The following DGKD variants were observed in gnomAD, a reference collection of about 807,000 sequenced individuals.
The protein encoded by DGKD is diacylglycerol kinase delta, also known as DAG kinase delta.
DGKD carries 68 observed loss-of-function variants against 154.4 expected under a neutral mutation model. That is an observed-to-expected ratio of 0.44 (90% CI 0.36 to 0.54). DGKD has a LOEUF of 0.54. Among genes scored for constraint, DGKD ranks in the 20% least tolerant of loss-of-function variants. The probability of loss-of-function intolerance (pLI) is 0.00; values close to 1 mark genes in which losing one functional copy is unlikely to be tolerated. For synonymous variants in DGKD, 693 were observed against 638.0 expected, an observed-to-expected ratio of 1.09 and a Z score of -1.30; for missense variants, 1,343 against 1,593.6, an observed-to-expected ratio of 0.84 and a Z score of 2.68.
chr2:233,375,968 T>A (rs1406694453), intron 1 of DGKD, among the ~76,000 whole-genome samples: 5 of 152,182 alleles, frequency 3.3e-5, no homozygotes, highest in Non-Finnish European at 5.9e-5. Context: ...CAAGCCACAC[T>A]CAGCACTCAA....
chr2:233,403,700 C>A (rs1559508362), intron 3 of DGKD, among the ~76,000 whole-genome samples: 1 of 150,414 alleles, frequency 6.6e-6, no homozygotes, highest in Non-Finnish European at 1.5e-5. Flanking sequence ...AGTGTAGTGG[C>A]GCGATTTAGG....
At chr2:233,460,478 G>C (rs188958612) in intron 24 of DGKD, 133 bp downstream of exon 24, 19 of 1,177,250 alleles carry the variant, frequency 1.6e-5, no homozygotes, top group Non-Finnish European at 2.1e-5. Context: ...TGAGGGCCGA[G>C]CCTGTTTATG....
intron 3 of DGKD, among the ~76,000 whole-genome samples, chr2:233,410,397 C>G (rs1201586621): frequency 6.6e-6 from 1 of 152,202 alleles, no homozygotes; most frequent in Non-Finnish European, 1.5e-5. Flanking sequence ...CTGTTGCCAG[C>G]TCTGCGCTGC....
At chr2:233,446,847 A>C (rs1217868306) in intron 12 of DGKD, 51 bp downstream of exon 12, 1 of 1,600,794 alleles carries the variant, frequency 6.2e-7, no homozygotes, top group South Asian at 1.1e-5. Context: ...TGTGATCAGA[A>C]CTGTCCTGTC....
At chr2:233,392,679 A>G (rs963362129) in intron 3 of DGKD, among the ~76,000 whole-genome samples, 1 of 152,210 alleles carries the variant, frequency 6.6e-6, no homozygotes, top group Non-Finnish European at 1.5e-5. Flanking sequence ...AATTTATTTT[A>G]AATTATTTGT....
intron 3 of DGKD, among the ~76,000 whole-genome samples, chr2:233,397,937 T>G (rs1278147125): frequency 6.6e-6 from 1 of 151,634 alleles, no homozygotes; most frequent in Non-Finnish European, 1.5e-5. Context: ...TGTGGGGTGG[T>G]GGGGGAGGCT....
chr2:233,469,275 A>G, intron 29 of DGKD, 96 bp from the exon 30 acceptor site: 1 of 1,077,478 alleles, frequency 9.3e-7, no homozygotes, highest in Non-Finnish European at 1.4e-6. Flanking sequence ...TGTGTTCACA[A>G]GCCGAATGGG....
chr2:233,429,801 T>C (rs1333783398), intron 3 of DGKD, among the ~76,000 whole-genome samples: 1 of 152,220 alleles, frequency 6.6e-6, no homozygotes, highest in African/African-American at 2.4e-5. Flanking sequence ...CTCTCCCAGC[T>C]CTGCTGCTTC....
At chr2:233,456,375 G>A (rs765007862) in intron 19 of DGKD, among the ~76,000 whole-genome samples, 3 of 152,206 alleles carry the variant, frequency 2.0e-5, no homozygotes, top group Non-Finnish European at 4.4e-5. Flanking sequence ...GGACCAAGTA[G>A]GTCGTGAAAC....
In DGKD at chr2:233,446,766, C is replaced by A. The variant is rs767446963; in HGVS notation, c.1389C>A (p.Thr463=). Residue 463 remains threonine (T), a synonymous_variant, in exon 12 of 30, where the codon ACC becomes ACA. Transcript: ENST00000264057. ...TCCCCCGGCAGGCCTCCTCCTCTACCGTCACCGAAGACTTCAGCGAGGATT... is the reference window on the plus strand; with the variant it reads ...TCCCCCGGCAGGCCTCCTCCTCTACAGTCACCGAAGACTTCAGCGAGGATT... ...AKLPRQASSS[T]VTEDFSEDSE... is the part of the protein sequence containing the mutation. 1.2e-6 allele frequency: 2 copies of A among 1,614,228 alleles called. No homozygotes were observed. The highest frequency in any genetic ancestry group is 1.3e-5 in the African/African-American group (1 of 75,074).
intron 1 of DGKD, among the ~76,000 whole-genome samples, chr2:233,384,579 A>G (rs529285594): frequency 2.0e-5 from 3 of 150,580 alleles, no homozygotes; most frequent in African/African-American, 4.9e-5. Context: ...ACTGAGCCAC[A>G]CTCTTTGGAG....
chr2:233,370,357 G>C (rs1181002674), intron 1 of DGKD, among the ~76,000 whole-genome samples: 1 of 151,884 alleles, frequency 6.6e-6, no homozygotes, highest in African/African-American at 2.4e-5. Flanking sequence ...GGCATTACAG[G>C]TGCACTCCAC....
In DGKD at chr2:233,458,466, G is replaced by A. The variant is rs28588417; in HGVS notation, c.2694+69G>A. The A allele has an allele frequency of 0.077, 98,220 of 1,270,208 alleles. 4,198 individuals carry two copies. The highest frequency in any genetic ancestry group is 0.14 in the African/African-American group (9,648 of 68,358). The allele number at this position is 1,270,208 out of a possible 1,614,324, so 78.7% of individuals were successfully genotyped here. On this transcript the variant is annotated intron_variant, in intron 22 of 29. Transcript: ENST00000264057. This position sits in a 1 kb window ranked among gnomAD's most constrained non-coding sequence, Gnocchi z 6.6. ...GGAGTGTGCTAAATTCTGGGGCAGT[G>A]CATGGAGCCTGGGAGGGTGGGCGCT...
intron 1 of DGKD, among the ~76,000 whole-genome samples, chr2:233,375,814 C>T (rs1702544873): frequency 6.6e-6 from 1 of 152,210 alleles, no homozygotes; most frequent in Non-Finnish European, 1.5e-5. Context: ...CTTGTTTCAT[C>T]TGTCTCCACC....
chr2:233,413,773 G>C (rs574212196), intron 3 of DGKD, among the ~76,000 whole-genome samples: 1 of 152,300 alleles, frequency 6.6e-6, no homozygotes, highest in African/African-American at 2.4e-5. Flanking sequence ...GCCCTCCCAC[G>C]GTGGCTCTTC....
chr2:233,369,700 C>T (rs761825175), intron 1 of DGKD, among the ~76,000 whole-genome samples: 3 of 152,144 alleles, frequency 2.0e-5, no homozygotes, highest in Admixed American at 1.3e-4. Context: ...TGGGGCTGGC[C>T]GTGGGGTGAT....
intron 3 of DGKD, among the ~76,000 whole-genome samples, chr2:233,414,849 A>G (rs1016604685): frequency 2.0e-5 from 3 of 152,088 alleles, no homozygotes; most frequent in Non-Finnish European, 2.9e-5. Flanking sequence ...CTCTTTTCAG[A>G]GTGAGCAGTG....
intron 12 of DGKD, 71 bp downstream of exon 12, chr2:233,446,867 C>T: frequency 2.6e-6 from 4 of 1,555,800 alleles, no homozygotes; most frequent in Non-Finnish European, 2.6e-6. Context: ...CAGCGGTTTG[C>T]ATCACCTCCC....
intron 3 of DGKD, among the ~76,000 whole-genome samples, chr2:233,395,232 G>A (rs550073387): frequency 1.3e-3 from 196 of 152,078 alleles, no homozygotes; most frequent in African/African-American, 4.3e-3. Flanking sequence ...GTACAGTGGT[G>A]CAGTCATGGC....
Sources: gnomAD v4.1 joint callset for allele counts (sites outside exome capture counted in the v4.1 genomes callset) on GRCh38, gnomAD v4.1.1 for gene constraint, Gnocchi (gnomAD v3.1) non-coding constraint, MANE v1.5 for transcripts, NCBI Gene and HGNC (gene_info 2026-07-23, HGNC 2026-07-21) for gene names.